The following PCDH15 variants were observed in gnomAD, a reference collection of about 807,000 sequenced individuals.
PCDH15 encodes the protein protocadherin-15.
PCDH15 carries 129 observed loss-of-function variants against 178.5 expected under a neutral mutation model. The observed-to-expected ratio is 0.72, with a 90% CI of 0.63 to 0.84. PCDH15 has a LOEUF of 0.84. Ranked by LOEUF, PCDH15 falls within the 40% of genes least tolerant of loss-of-function variation. The probability of loss-of-function intolerance (pLI) is 0.00; values close to 1 mark genes in which losing one functional copy is unlikely to be tolerated. For synonymous variants in PCDH15, 800 were observed against 732.0 expected (o/e 1.09, Z -1.50); for missense variants, 2,230 against 2,099.9 (o/e 1.06, Z -1.21).
intron 3 of PCDH15, among the ~76,000 whole-genome samples, chr10:54,521,099 T>A (rs1341153733): frequency 1.3e-5 from 2 of 148,788 alleles, no homozygotes; most frequent in East Asian, 4.2e-4. Flanking sequence ...TATTAGGAGA[T>A]ATACCTAATG....
intron 2 of PCDH15, among the ~76,000 whole-genome samples, chr10:54,995,815 T>A (rs565229069): frequency 6.6e-6 from 1 of 152,066 alleles, no homozygotes; most frequent in African/African-American, 2.4e-5. Flanking sequence ...CCATCATGAC[T>A]GTCTTACCTA....
At chr10:54,901,190 C>T (rs1954633425) in intron 2 of PCDH15, among the ~76,000 whole-genome samples, 1 of 152,004 alleles carries the variant, frequency 6.6e-6, no homozygotes, top group South Asian at 2.1e-4. Flanking sequence ...GTCTGTATGC[C>T]AGATACTCAG....
intron 1 of PCDH15, among the ~76,000 whole-genome samples, chr10:55,203,977 G>C (rs1199199652): frequency 1.3e-5 from 2 of 151,908 alleles, no homozygotes; most frequent in Admixed American, 6.6e-5. Context: ...TTGGGAGGCT[G>C]AGGCAGGTGG....
At chr10:55,164,172 G>A (rs1839136061) in intron 2 of PCDH15, among the ~76,000 whole-genome samples, 1 of 151,898 alleles carries the variant, frequency 6.6e-6, no homozygotes, top group South Asian at 2.1e-4. Flanking sequence ...CACAACTTAA[G>A]CCTTTACATG....
intron 14 of PCDH15, among the ~76,000 whole-genome samples, chr10:54,152,829 C>A (rs764187994): frequency 6.6e-6 from 1 of 152,056 alleles, no homozygotes; most frequent in Non-Finnish European, 1.5e-5. Context: ...GCCACTGACA[C>A]ATCTGTTAAT....
At chr10:54,843,391 T>C (rs958743365) in intron 3 of PCDH15, among the ~76,000 whole-genome samples, 2 of 151,990 alleles carry the variant, frequency 1.3e-5, no homozygotes, top group African/African-American at 4.8e-5. Context: ...CCTTCTGACA[T>C]GCTCGAGCTG....
Position 54,822,583 on chromosome 10 carries a change from G to A in PCDH15, c.-29+74867C>T, listed in dbSNP as rs974528865. ...CACATGTTTGCTGTTTGTGAGTAGT[G>A]CTGTAATAAGCATAGGGGTGCAAGT... On this transcript the variant is annotated intron_variant, in intron 3 of 5. Transcript: ENST00000458638. Among the ~76,000 whole-genome samples the A allele has an allele frequency of 2.6e-5, 4 of 152,140 alleles. No individual in the cohort carries two copies. The South Asian group carries it at 8.3e-4, about 31-fold the overall frequency.
At chr10:55,150,026 G>A (rs933685637) in intron 2 of PCDH15, among the ~76,000 whole-genome samples, 1 of 147,902 alleles carries the variant, frequency 6.8e-6, no homozygotes, top group African/African-American at 2.5e-5. Context: ...AGCAGAGAGA[G>A]AGAGATAAAG....
chr10:54,621,252 AC>A (rs1167722448), intron 2 of PCDH15, among the ~76,000 whole-genome samples: 1 of 151,966 alleles, frequency 6.6e-6, no homozygotes, highest in African/African-American at 2.4e-5. Flanking sequence ...TTGATTAGTG[AC>A]CTTCCAAACC....
intron 5 of PCDH15, among the ~76,000 whole-genome samples, chr10:54,359,271 A>AAAAAAC (rs71007839): frequency 0.096 from 14,463 of 150,886 alleles, 1,094 homozygotes; most frequent in African/African-American, 0.21. Flanking sequence ...AAAAACTAAA[A>AAAAAAC]AAAAACAAAA....
chr10:54,081,188 C>T (rs2094432326), intron 16 of PCDH15, among the ~76,000 whole-genome samples: 1 of 151,968 alleles, frequency 6.6e-6, no homozygotes. Flanking sequence ...AAATATCTAT[C>T]TTGTTTTTGA....
intron 2 of PCDH15, among the ~76,000 whole-genome samples, chr10:55,367,063 C>T (rs1411714718): frequency 1.3e-5 from 2 of 151,858 alleles, no homozygotes; most frequent in East Asian, 3.9e-4. Flanking sequence ...TTACGGGATT[C>T]TGGGGAAGTG....
chr10:55,549,156 TTTTG>T (rs144400789), intron 2 of PCDH15, among the ~76,000 whole-genome samples: 7,434 of 150,040 alleles, frequency 0.05, 442 homozygotes, highest in East Asian at 0.31. Context: ...AGAGGGTTTT[TTTTG>T]TTTGTTTGTT....
chr10:54,827,396 G>A (rs1474962315), intron 3 of PCDH15, among the ~76,000 whole-genome samples: 3 of 152,064 alleles, frequency 2.0e-5, no homozygotes, highest in Non-Finnish European at 4.4e-5. Flanking sequence ...GGCAGTGTAC[G>A]AACTAGTGAC....
chr10:55,046,638 A>C (rs1193682637), intron 2 of PCDH15, among the ~76,000 whole-genome samples: 1 of 152,064 alleles, frequency 6.6e-6, no homozygotes, highest in Non-Finnish European at 1.5e-5. Context: ...ACATTTCATA[A>C]TAAGTAGCTC....
At chr10:55,259,576 G>C (rs1455797378) in intron 1 of PCDH15, among the ~76,000 whole-genome samples, 1 of 152,138 alleles carries the variant, frequency 6.6e-6, no homozygotes, top group Non-Finnish European at 1.5e-5. Context: ...GAGGAGACCT[G>C]AGGACATGCA....
intron 1 of PCDH15, among the ~76,000 whole-genome samples, chr10:54,690,121 C>A (rs2095091748): frequency 6.6e-6 from 1 of 152,120 alleles, no homozygotes; most frequent in African/African-American, 2.4e-5. Flanking sequence ...AAATGTCTAT[C>A]TTCTGTTGAC....
intron 14 of PCDH15, among the ~76,000 whole-genome samples, chr10:54,139,687 G>A (rs1037684152): frequency 2.6e-5 from 4 of 151,884 alleles, no homozygotes; most frequent in South Asian, 2.1e-4. Context: ...TTGAGAAAAC[G>A]AATCTGTTTG....
At chr10:54,358,166 G>T (rs1160336642) in intron 5 of PCDH15, among the ~76,000 whole-genome samples, 4 of 147,406 alleles carry the variant, frequency 2.7e-5, no homozygotes, top group Non-Finnish European at 5.9e-5. Context: ...TTGACAAATG[G>T]GATCTAATTA....
Sources: gnomAD v4.1 joint callset for allele counts (sites outside exome capture counted in the v4.1 genomes callset) on GRCh38, gnomAD v4.1.1 for gene constraint, MANE v1.5 for transcripts, NCBI Gene and HGNC (gene_info 2026-07-23, HGNC 2026-07-21) for gene names.